Variants in CNIH3 observed in about 807,000 individuals in gnomAD.
The protein encoded by CNIH3 is cornichon family AMPA receptor auxiliary protein 3.
Under a neutral mutation model 24.1 loss-of-function variants are expected in CNIH3, and 14 were observed. The observed-to-expected ratio is 0.58, with a 90% CI of 0.38 to 0.91. CNIH3 has a LOEUF of 0.91. Ranked by LOEUF, CNIH3 falls within the 40% of genes least tolerant of loss-of-function variation. The pLI is 0.00. For missense variants in CNIH3, 178 were observed against 196.8 expected (o/e 0.90, Z 0.57); for synonymous variants, 68 against 73.8 (o/e 0.92, Z 0.40).
At chr1:224,560,186 T>C (rs1057154008) in intron 3 of CNIH3, among the ~76,000 whole-genome samples, 20 of 152,308 alleles carry the variant, frequency 1.3e-4, no homozygotes, top group Admixed American at 1.0e-3. Flanking sequence ...TTCTTGGGCA[T>C]GGCTTTTCAT....
chr1:224,687,948 C>T (rs7542995), intron 3 of CNIH3, among the ~76,000 whole-genome samples: 70,617 of 152,022 alleles, frequency 0.46, 16,877 homozygotes, highest in African/African-American at 0.56. Flanking sequence ...GTACTAAGTC[C>T]GTTCCTTGGA....
chr1:224,718,287 A>G (rs945511181), intron 3 of CNIH3, among the ~76,000 whole-genome samples: 1 of 152,140 alleles, frequency 6.6e-6, no homozygotes, highest in Admixed American at 6.5e-5. Context: ...CCATGCAAAT[A>G]TCTGAGGAGG....
intron 1 of CNIH3, among the ~76,000 whole-genome samples, chr1:224,453,741 G>A (rs1240546270): frequency 6.6e-6 from 1 of 151,974 alleles, no homozygotes; most frequent in Non-Finnish European, 1.5e-5. Flanking sequence ...CAAAATTGTG[G>A]GATCAAGCCA....
At chr1:224,541,090 G>A (rs1223645974), downstream of CNIH3, among the ~76,000 whole-genome samples, 1 of 152,158 alleles carries the variant, frequency 6.6e-6, no homozygotes, top group Non-Finnish European at 1.5e-5. Context: ...TTCCATTGCT[G>A]TATTGGCATG....
chr1:224,635,168 G>T (rs1222509337), intron 1 of CNIH3, among the ~76,000 whole-genome samples: 1 of 152,114 alleles, frequency 6.6e-6, no homozygotes, highest in South Asian at 2.1e-4. Context: ...GAATGGCGGG[G>T]GTCGGGGGGA....
intron 3 of CNIH3, among the ~76,000 whole-genome samples, chr1:224,549,433 G>A (rs1017210457): frequency 2.6e-4 from 39 of 152,018 alleles, no homozygotes; most frequent in African/African-American, 7.7e-4. Context: ...GGAAATATCA[G>A]AGTGATGATA....
intron 2 of CNIH3, among the ~76,000 whole-genome samples, chr1:224,545,376 C>T (rs1190173642): frequency 6.6e-6 from 1 of 152,200 alleles, no homozygotes; most frequent in Non-Finnish European, 1.5e-5. Context: ...CTACAATGAA[C>T]TGTGAGACTT....
intron 4 of CNIH3, chr1:224,574,321 T>G: frequency 7.7e-6 from 2 of 258,504 alleles, no homozygotes; most frequent in East Asian, 8.0e-5. Context: ...AAGTATTTCA[T>G]TGTTGATTAG....
intron 1 of CNIH3, among the ~76,000 whole-genome samples, chr1:224,658,406 A>G (rs915618003): frequency 6.6e-6 from 1 of 152,018 alleles, no homozygotes; most frequent in South Asian, 2.1e-4. Flanking sequence ...GGCTCAAGCA[A>G]TCAGCCTGCC....
rs372750521 is a variant in CNIH3 at position 224,475,310 on chromosome 1, T to C, written n.204-40431T>C. ...GGCGGAGCTTGCAGTGAACCGAGATTGCGCCACTGCAGTCCAGCCGGGGCG... is the reference window on the plus strand; with the variant it reads ...GGCGGAGCTTGCAGTGAACCGAGATCGCGCCACTGCAGTCCAGCCGGGGCG... On this transcript the variant is annotated intron_variant and non_coding_transcript_variant, in intron 1 of 5. Transcript: ENST00000471578. Among the ~76,000 whole-genome samples, 32 of 145,468 alleles carry C rather than the reference T, an allele frequency of 2.2e-4. 1 individual carries two copies. The East Asian group carries it at 5.7e-3, about 26-fold the overall frequency.
chr1:224,569,221 A>G (rs1680714429), intron 4 of CNIH3, among the ~76,000 whole-genome samples: 1 of 152,148 alleles, frequency 6.6e-6, no homozygotes, highest in Non-Finnish European at 1.5e-5. Flanking sequence ...TTCCAAAACG[A>G]CATGTTGTTT....
upstream of CNIH3, among the ~76,000 whole-genome samples, chr1:224,512,477 T>C (rs1169986060): frequency 6.6e-6 from 1 of 152,100 alleles, no homozygotes; most frequent in East Asian, 1.9e-4. Flanking sequence ...GAGACCTTGT[T>C]TCAAAAACAA....
At chr1:224,618,707 C>A (rs1023590767) in intron 1 of CNIH3, among the ~76,000 whole-genome samples, 1 of 152,190 alleles carries the variant, frequency 6.6e-6, no homozygotes, top group African/African-American at 2.4e-5. Context: ...TTGTGTAAAT[C>A]CGTGCATCAG....
At chr1:224,451,806 G>A (rs1675409080) in intron 1 of CNIH3, among the ~76,000 whole-genome samples, 1 of 152,154 alleles carries the variant, frequency 6.6e-6, no homozygotes, top group Non-Finnish European at 1.5e-5. Context: ...TTCGTAAAGT[G>A]GGGTAGCAAA....
In CNIH3 at chr1:224,734,698, C is replaced by T; in HGVS notation, c.447C>T (p.Tyr149=). Residue 149 remains tyrosine, a synonymous_variant, in exon 5 of 6, where the codon TAC becomes TAT. Coordinates refer to ENST00000272133, the MANE Select transcript of CNIH3 (RefSeq NM_152495.2). ...TCTATCTCCTCTCCTTCTTCTACTA[C>T]CTTTACTGGTGAGTATCTGCCCCTC... ...LAFYLLSFFY[Y]LYCMIYTLVS... 6.2e-7 allele frequency: 1 copy of T among 1,614,168 alleles called. No individual in the cohort carries two copies. Among genetic ancestry groups the T allele is most frequent in the African/African-American group, 1.3e-5 (1 of 75,050 alleles).
chr1:224,435,363 G>C (rs577210086), intron 1 of CNIH3, among the ~76,000 whole-genome samples: 1 of 152,330 alleles, frequency 6.6e-6, no homozygotes, highest in South Asian at 2.1e-4. Flanking sequence ...CTGTACCCGG[G>C]GCCATCCCGG....
chr1:224,669,753 C>T (rs1291738368), intron 1 of CNIH3, among the ~76,000 whole-genome samples: 1 of 152,150 alleles, frequency 6.6e-6, no homozygotes, highest in Non-Finnish European at 1.5e-5. Flanking sequence ...TCATTTAATC[C>T]TCAAAGTATC....
At chr1:224,510,609 CA>C (rs375132413) in intron 1 of CNIH3, among the ~76,000 whole-genome samples, 15 of 104,278 alleles carry the variant, frequency 1.4e-4, no homozygotes, top group South Asian at 2.8e-4. Flanking sequence ...AAAAAAAAAA[CA>C]AAAAAAAAAC....
chr1:224,525,133 G>A lies in CNIH3; in HGVS notation n.343+3806G>A, dbSNP rs35529540. On this transcript the variant is annotated intron_variant and non_coding_transcript_variant, in intron 2 of 2. Transcript: ENST00000470602. ...ACCCTCCTGTATGTTTTAGTTGCAC[G>A]GACCCCACAAATCTCATATTTTGCT... 7.7e-3 allele frequency among the ~76,000 whole-genome samples: 1,169 copies of A among 152,236 alleles called. 18 individuals are homozygous for A. The highest frequency in any genetic ancestry group is 0.027 in the African/African-American group (1,108 of 41,542).
Sources: allele counts gnomAD v4.1 joint callset (sites outside exome capture counted in the v4.1 genomes callset), GRCh38; gene constraint gnomAD v4.1.1; transcripts MANE v1.5; gene names NCBI Gene and HGNC (gene_info 2026-07-23, HGNC 2026-07-21).